The following KLF12 variants were observed in gnomAD, a reference collection of about 807,000 sequenced individuals.
The protein encoded by KLF12 is Krueppel-like factor 12.
In KLF12, 9 loss-of-function variants were observed where a neutral mutation model predicts 37.8. The observed-to-expected ratio is 0.24, with a 90% confidence interval of 0.14 to 0.42. KLF12 has a LOEUF of 0.42. Among genes scored for constraint, KLF12 ranks in the 10% least tolerant of loss-of-function variants. KLF12 has a pLI of 1.00. For missense variants in KLF12, 411 were observed against 516.0 expected (o/e 0.80, Z 1.97); for synonymous variants, 208 against 202.1 (o/e 1.03, Z -0.25).
chr13:73,814,190 A>C (rs73531685), intron 4 of KLF12, among the ~76,000 whole-genome samples: 16 of 152,296 alleles, frequency 1.1e-4, no homozygotes, highest in African/African-American at 3.9e-4. Flanking sequence ...AAAGTACCAC[A>C]TGAGCTACAC....
At chr13:73,785,118 A>AT (rs202165551) in intron 5 of KLF12, among the ~76,000 whole-genome samples, 26,876 of 145,780 alleles carry the variant, frequency 0.18, 2,776 homozygotes, top group Middle Eastern at 0.3. Context: ...TAATTATCTA[A>AT]TTTTTTTTTT....
intron 1 of KLF12, among the ~76,000 whole-genome samples, chr13:74,066,004 A>G (rs558426520): frequency 6.6e-6 from 1 of 152,264 alleles, no homozygotes; most frequent in South Asian, 2.1e-4. Context: ...ACGCGGACAT[A>G]AAAAGATTAG....
chr13:74,297,065 GTCAT>G, the KLF12 span, among the ~76,000 whole-genome samples: 100,496 of 151,470 alleles, frequency 0.66, 37,615 homozygotes, highest in Non-Finnish European at 0.84. Context: ...CAAAGTGAAA[GTCAT>G]TCATTCATTC....
At chr13:73,931,928 T>C (rs1889704890) in intron 3 of KLF12, among the ~76,000 whole-genome samples, 1 of 152,034 alleles carries the variant, frequency 6.6e-6, no homozygotes. Context: ...CTCATTCGAC[T>C]ACCTTGTTAG....
At chr13:73,887,568 T>A (rs1887291197) in intron 3 of KLF12, among the ~76,000 whole-genome samples, 1 of 152,196 alleles carries the variant, frequency 6.6e-6, no homozygotes, top group African/African-American at 2.4e-5. Context: ...GCTGAGCAGA[T>A]GTTGGTGCCA....
At chr13:73,966,331 G>A (rs1282312477) in intron 2 of KLF12, among the ~76,000 whole-genome samples, 4 of 151,784 alleles carry the variant, frequency 2.6e-5, no homozygotes, top group African/African-American at 9.7e-5. Context: ...GTTTTCTGAT[G>A]TTTCTCTAAT....
chr13:73,920,376 T>C (rs576246769), intron 3 of KLF12, among the ~76,000 whole-genome samples: 1 of 152,264 alleles, frequency 6.6e-6, no homozygotes, highest in South Asian at 2.1e-4. Flanking sequence ...ATAAGTCATC[T>C]TATGGGCCAG....
At chr13:74,286,797 G>T in the KLF12 span, among the ~76,000 whole-genome samples, 1 of 152,222 alleles carries the variant, frequency 6.6e-6, no homozygotes, top group Non-Finnish European at 1.5e-5. Context: ...ACTTGCTGTG[G>T]CTTTGCACAT....
chr13:74,274,738 T>C, the KLF12 span, among the ~76,000 whole-genome samples: 3 of 152,074 alleles, frequency 2.0e-5, no homozygotes, highest in Non-Finnish European at 1.5e-5. Flanking sequence ...TGGTGATCTG[T>C]CTTTATGTAT....
intron 3 of KLF12, among the ~76,000 whole-genome samples, chr13:73,937,152 T>A (rs1222809301): frequency 6.6e-6 from 1 of 151,694 alleles, no homozygotes; most frequent in Non-Finnish European, 1.5e-5. Context: ...ATCGTGCCAC[T>A]GTACTCCAGC....
At chr13:73,772,367 C>T (rs183748939) in intron 5 of KLF12, among the ~76,000 whole-genome samples, 2 of 152,146 alleles carry the variant, frequency 1.3e-5, no homozygotes, top group African/African-American at 2.4e-5. Context: ...TGAGCTTAGA[C>T]AAATAATTGA....
chr13:73,752,431 C>A (rs1878828849), intron 6 of KLF12, among the ~76,000 whole-genome samples: 1 of 78,622 alleles, frequency 1.3e-5, no homozygotes, highest in South Asian at 3.3e-4. Flanking sequence ...CACACATGCA[C>A]CCTGTGGTAA....
intron 2 of KLF12, among the ~76,000 whole-genome samples, chr13:73,983,358 C>T (rs979791914): frequency 1.3e-5 from 2 of 152,194 alleles, no homozygotes; most frequent in Admixed American, 1.3e-4. Context: ...GTGATGTCAG[C>T]ACGGACCTTT....
intron 1 of KLF12, among the ~76,000 whole-genome samples, chr13:74,041,137 C>A (rs1373412884): frequency 1.3e-5 from 2 of 152,186 alleles, no homozygotes; most frequent in East Asian, 3.8e-4. Flanking sequence ...TCCTCCTTAG[C>A]ACTCCGCTCA....
chr13:73,775,772 T>C (rs1880571199), intron 5 of KLF12, among the ~76,000 whole-genome samples: 1 of 152,224 alleles, frequency 6.6e-6, no homozygotes, highest in Non-Finnish European at 1.5e-5. Context: ...TTACTTCAAA[T>C]GCCTTTGCTA....
intron 3 of KLF12, among the ~76,000 whole-genome samples, chr13:73,871,111 A>G (rs1272035190): frequency 6.6e-6 from 1 of 152,172 alleles, no homozygotes; most frequent in African/African-American, 2.4e-5. Flanking sequence ...CTCATTTAAG[A>G]GTCAGAAGGA....
At chr13:73,791,239 A>G (rs1040622798) in intron 5 of KLF12, among the ~76,000 whole-genome samples, 2 of 152,244 alleles carry the variant, frequency 1.3e-5, no homozygotes, top group Non-Finnish European at 2.9e-5. Context: ...ATACAAGTGT[A>G]TATTCATGTG....
At chr13:74,253,845 A>G in the KLF12 span, among the ~76,000 whole-genome samples, 4 of 152,244 alleles carry the variant, frequency 2.6e-5, no homozygotes, top group South Asian at 2.1e-4. Context: ...ACTACAAATT[A>G]TGTACCCAGT....
At chr13:74,284,174 A>G in the KLF12 span, among the ~76,000 whole-genome samples, 1 of 152,062 alleles carries the variant, frequency 6.6e-6, no homozygotes, top group Non-Finnish European at 1.5e-5. Context: ...TATAAGTCTT[A>G]TAAGTTCCTT....
Sources: allele counts gnomAD v4.1 joint callset (sites outside exome capture counted in the v4.1 genomes callset), GRCh38; gene constraint gnomAD v4.1.1; transcripts MANE v1.5; gene names NCBI Gene and HGNC (gene_info 2026-07-23, HGNC 2026-07-21).